The following RTN1 variants were observed in gnomAD, a reference collection of about 807,000 sequenced individuals.
RTN1 encodes the protein reticulon-1.
Under a neutral mutation model 65.5 loss-of-function variants are expected in RTN1, and 25 were observed. The ratio of observed to expected loss-of-function variants is 0.38; its 90% CI spans 0.28 to 0.53. The LOEUF (loss-of-function observed/expected upper bound fraction) is 0.53, where lower values mean the gene tolerates loss of function less well. Among genes scored for constraint, RTN1 ranks in the 20% least tolerant of loss-of-function variants. The pLI, the probability that RTN1 is intolerant of heterozygous loss-of-function variation, is 0.79. For missense variants in RTN1, 983 were observed against 1,025.4 expected, an observed-to-expected ratio of 0.96 and a Z score of 0.57; for synonymous variants, 471 against 447.6, an observed-to-expected ratio of 1.05 and a Z score of -0.66.
At position 59,596,628 on chromosome 14, in the gene RTN1, A is replaced by T; in HGVS notation, c.*117T>A. The T allele has an allele frequency of 1.2e-6, 1 of 813,874 alleles. No individual in the cohort carries two copies. The highest frequency in any genetic ancestry group is 2.1e-6 in the Non-Finnish European group (1 of 467,930). 50.4% of individuals were successfully genotyped at this position (813,874 alleles called of 1,614,324 possible). A position where few individuals can be genotyped will look rare whatever the true frequency, so the allele number is the denominator to read the frequency against. ...ACAGCTGTTTTAAGGTTTGTCTCTA[A>T]GATTATGGTACTGGAGGGAGGGGGG... On this transcript the variant is annotated 3_prime_UTR_variant, in exon 9 of 9. Transcript: ENST00000267484.
chr14:59,605,326 T>C (rs1881707799), intron 5 of RTN1, 42 bp downstream of exon 5: 2 of 1,581,668 alleles, frequency 1.3e-6, no homozygotes, highest in African/African-American at 1.4e-5. Flanking sequence ...TTAGGGAAAA[T>C]AACAGTCAAG....
intron 3 of RTN1, among the ~76,000 whole-genome samples, chr14:59,659,521 A>G (rs1488290425): frequency 6.6e-6 from 1 of 152,244 alleles, no homozygotes; most frequent in Non-Finnish European, 1.5e-5. Context: ...AGGGAAGCCC[A>G]TCAGACTAGC....
chr14:59,624,980 G>A (rs1385440837), intron 3 of RTN1, among the ~76,000 whole-genome samples: 1 of 152,056 alleles, frequency 6.6e-6, no homozygotes, highest in Non-Finnish European at 1.5e-5. Flanking sequence ...TCTATTATAA[G>A]GTAACTTAAA....
chr14:59,668,081 T>C (rs1443753892), intron 3 of RTN1, among the ~76,000 whole-genome samples: 1 of 152,200 alleles, frequency 6.6e-6, no homozygotes, highest in African/African-American at 2.4e-5. Flanking sequence ...ATTGATTTTC[T>C]TCACAGAATT....
intron 1 of RTN1, among the ~76,000 whole-genome samples, chr14:59,837,844 T>C (rs1344475810): frequency 6.6e-6 from 1 of 152,126 alleles, no homozygotes; most frequent in East Asian, 1.9e-4. Context: ...CACTTTATTG[T>C]TGAAAAAATG....
At chr14:59,723,173 C>T (rs868609316) in intron 3 of RTN1, among the ~76,000 whole-genome samples, 2 of 151,998 alleles carry the variant, frequency 1.3e-5, no homozygotes, top group Non-Finnish European at 2.9e-5. Context: ...TTATTATTAA[C>T]GTTTTAAGGA....
chr14:59,746,210 A>G lies in RTN1; in HGVS notation c.513T>C (p.Thr171=). The G allele has an allele frequency of 1.2e-6, 2 of 1,612,466 alleles. No homozygotes were observed. The highest frequency in any genetic ancestry group is 1.1e-5 in the South Asian group (1 of 90,778). Residue 171 remains threonine (T), a synonymous_variant, in exon 2 of 9, where the codon ACT becomes ACC. Transcript: ENST00000267484. ...TGTTCACTTCCGTGGACTCTGCAGG[A>G]GTCATCTCTATTCCAGAATCAGAAC... ...LFSSDSGIEM[T]PAESTEVNKI...
intron 3 of RTN1, among the ~76,000 whole-genome samples, chr14:59,669,397 T>A (rs554913171): frequency 2.0e-5 from 3 of 151,970 alleles, no homozygotes; most frequent in African/African-American, 4.8e-5. Context: ...TAGATGGGAA[T>A]TGAACAATGA....
intron 3 of RTN1, among the ~76,000 whole-genome samples, chr14:59,652,027 A>C (rs1211751969): frequency 6.6e-6 from 1 of 152,204 alleles, no homozygotes; most frequent in Non-Finnish European, 1.5e-5. Flanking sequence ...GGACATGAAC[A>C]GATACTTCTC....
chr14:59,709,725 A>G (rs1347028862), intron 3 of RTN1, among the ~76,000 whole-genome samples: 1 of 152,190 alleles, frequency 6.6e-6, no homozygotes, highest in African/African-American at 2.4e-5. Flanking sequence ...AGTTCAGATA[A>G]TTGAAAGCAT....
chr14:59,846,767 C>T lies in RTN1; in HGVS notation c.241+23623G>A, dbSNP rs757174015. On this transcript the variant is annotated intron_variant, in intron 1 of 8. Coordinates refer to ENST00000267484, the MANE Select transcript of RTN1 (RefSeq NM_021136.3). The surrounding 1 kb of genome is among the most constrained non-coding windows in gnomAD (Gnocchi z 4.8). The stretch of plus-strand genomic sequence containing the variant: ...GTCTGGCTCCAAGTGCCCCTTGGTT[C>T]GTAGCCAGGTGTCCGCATACCTGTT... Among the ~76,000 whole-genome samples the T allele has an allele frequency of 6.6e-6, 1 of 152,036 alleles. No individual in the cohort carries two copies. The highest frequency in any genetic ancestry group is 1.5e-5 in the Non-Finnish European group (1 of 68,014).
chr14:59,627,944 C>T (rs1249537510), intron 3 of RTN1, among the ~76,000 whole-genome samples: 3 of 152,100 alleles, frequency 2.0e-5, no homozygotes, highest in Non-Finnish European at 4.4e-5. Flanking sequence ...GACCTTTTTC[C>T]ACTGCATTCA....
At chr14:59,645,164 C>T (rs1333391654) in intron 3 of RTN1, among the ~76,000 whole-genome samples, 1 of 151,704 alleles carries the variant, frequency 6.6e-6, no homozygotes, top group South Asian at 2.1e-4. Flanking sequence ...AGATTTACAA[C>T]TACCCTCGCC....
At chr14:59,695,639 G>C (rs181449307) in intron 3 of RTN1, among the ~76,000 whole-genome samples, 144 of 152,172 alleles carry the variant, frequency 9.5e-4, no homozygotes, top group Middle Eastern at 3.4e-3. Context: ...CCTCAGATCT[G>C]GGATTTATTT....
At chr14:59,712,214 C>A (rs1015537778) in intron 3 of RTN1, among the ~76,000 whole-genome samples, 1 of 152,012 alleles carries the variant, frequency 6.6e-6, no homozygotes, top group African/African-American at 2.4e-5. Flanking sequence ...GAGGGAGCCC[C>A]AAAATACATA....
chr14:59,628,862 T>C (rs1026913659), intron 3 of RTN1, among the ~76,000 whole-genome samples: 5 of 152,226 alleles, frequency 3.3e-5, no homozygotes, highest in African/African-American at 9.6e-5. Flanking sequence ...GAATATCTTA[T>C]ACAAATAGAA....
chr14:59,833,238 G>A (rs1887157334), intron 1 of RTN1, among the ~76,000 whole-genome samples: 1 of 152,160 alleles, frequency 6.6e-6, no homozygotes, highest in South Asian at 2.1e-4. Context: ...TCAAACTGAA[G>A]CCTGAATAAA....
In RTN1 at chr14:59,806,427, A is replaced by C. The variant is rs78327619; in HGVS notation, c.242-59946T>G. Reference sequence around the variant, plus strand: ...AATGCAGCAGAAAAAAACATAAATTAGAATATATTTTCATATTTTACCTTT... The same window carrying C: ...AATGCAGCAGAAAAAAACATAAATTCGAATATATTTTCATATTTTACCTTT... On this transcript the variant is annotated intron_variant, in intron 1 of 8. Transcript: ENST00000267484. Among the ~76,000 whole-genome samples the C allele has an allele frequency of 3.8e-3, 572 of 152,262 alleles. 19 individuals are homozygous for C. The East Asian group carries it at 0.057, about 15-fold the overall frequency.
At chr14:59,822,033 G>C (rs541820343) in intron 1 of RTN1, among the ~76,000 whole-genome samples, 3 of 152,318 alleles carry the variant, frequency 2.0e-5, no homozygotes, top group African/African-American at 7.2e-5. Flanking sequence ...CTCATAGAGT[G>C]AGTGAGGGAG....
Sources: gnomAD v4.1 joint callset for allele counts (sites outside exome capture counted in the v4.1 genomes callset) on GRCh38, gnomAD v4.1.1 for gene constraint, Gnocchi (gnomAD v3.1) non-coding constraint, MANE v1.5 for transcripts, NCBI Gene and HGNC (gene_info 2026-07-23, HGNC 2026-07-21) for gene names.